TMEFF2: variants seen among roughly 807,000 people sequenced by gnomAD.
TMEFF2 encodes tomoregulin-2.
TMEFF2 carries 28 observed loss-of-function variants against 53.8 expected under a neutral mutation model. The observed-to-expected ratio is 0.52, with a 90% CI of 0.39 to 0.71. The LOEUF (loss-of-function observed/expected upper bound fraction) is 0.71. Among genes scored for constraint, TMEFF2 ranks in the 30% least tolerant of loss-of-function variants. TMEFF2 has a pLI of 0.00. For synonymous variants in TMEFF2, 162 were observed against 166.3 expected (o/e 0.97, Z 0.20); for missense variants, 353 against 455.2 (o/e 0.78, Z 2.04).
intron 7 of TMEFF2, among the ~76,000 whole-genome samples, chr2:191,964,436 CT>C (rs1692412154): frequency 7.8e-6 from 1 of 127,602 alleles, no homozygotes; most frequent in African/African-American, 2.9e-5. Context: ...TTCTTTCTTT[CT>C]GCCTTTTAAC....
intron 1 of TMEFF2, 78 bp from the exon 2 acceptor site, chr2:192,192,067 T>C: frequency 1.0e-6 from 1 of 978,068 alleles, no homozygotes; most frequent in Non-Finnish European, 1.6e-6. Flanking sequence ...CTTTGAAGCT[T>C]TAAAATACTT....
intron 4 of TMEFF2, among the ~76,000 whole-genome samples, chr2:192,085,328 T>A (rs988282398): frequency 1.7e-4 from 26 of 152,136 alleles, no homozygotes; most frequent in African/African-American, 6.3e-4. Flanking sequence ...TGAGATGGAA[T>A]GCTGGGGAGA....
intron 4 of TMEFF2, among the ~76,000 whole-genome samples, chr2:192,136,842 G>T (rs1238129422): frequency 6.6e-6 from 1 of 152,094 alleles, no homozygotes; most frequent in Non-Finnish European, 1.5e-5. Context: ...TTTATCAAAA[G>T]AACGTTATAC....
intron 4 of TMEFF2, among the ~76,000 whole-genome samples, chr2:192,113,774 G>C (rs1689337383): frequency 6.6e-6 from 1 of 152,072 alleles, no homozygotes. Context: ...AGTAATAGTA[G>C]CTAACAGTTG....
chr2:192,145,129 A>G (rs1690218516), intron 4 of TMEFF2, among the ~76,000 whole-genome samples: 1 of 151,998 alleles, frequency 6.6e-6, no homozygotes. Flanking sequence ...CACAAGGAAC[A>G]CTAAATTATA....
chr2:191,964,932 C>G (rs1692427318), intron 7 of TMEFF2, among the ~76,000 whole-genome samples: 1 of 152,100 alleles, frequency 6.6e-6, no homozygotes, highest in African/African-American at 2.4e-5. Flanking sequence ...CCACCCAGTT[C>G]TTGTTCTTTT....
At chr2:192,130,728 A>G (rs530117825) in intron 4 of TMEFF2, among the ~76,000 whole-genome samples, 10 of 151,830 alleles carry the variant, frequency 6.6e-5, no homozygotes, top group African/African-American at 9.7e-5. Context: ...CTCTCTTTTC[A>G]GACTCAGCCC....
chr2:192,141,520 C>T (rs1690139717), intron 4 of TMEFF2, among the ~76,000 whole-genome samples: 1 of 148,606 alleles, frequency 6.7e-6, no homozygotes, highest in Non-Finnish European at 1.5e-5. Context: ...CTCAAACATG[C>T]ATTTGACTTT....
chr2:191,990,708 C>A (rs992935868), intron 7 of TMEFF2, among the ~76,000 whole-genome samples: 2 of 148,238 alleles, frequency 1.3e-5, no homozygotes, highest in African/African-American at 5.0e-5. Context: ...CTAAATAGAC[C>A]TGTCTTTTCT....
At chr2:191,998,439 G>A (rs1686276707) in intron 6 of TMEFF2, 118 bp from the exon 7 acceptor site, 1 of 650,466 alleles carries the variant, frequency 1.5e-6, no homozygotes, top group Non-Finnish European at 2.5e-6. Context: ...TACAACTGTA[G>A]TTCTAAGCAA....
intron 5 of TMEFF2, chr2:192,034,595 A>G (rs768482883): frequency 6.6e-6 from 1 of 152,146 alleles, no homozygotes; most frequent in African/African-American, 2.4e-5. Flanking sequence ...TCTTGTCAGA[A>G]CCCAATCAAG....
At chr2:192,041,197 C>T (rs1470525824) in intron 5 of TMEFF2, among the ~76,000 whole-genome samples, 1 of 152,104 alleles carries the variant, frequency 6.6e-6, no homozygotes, top group Non-Finnish European at 1.5e-5. Flanking sequence ...GAGAAACTAC[C>T]TGCAAACCAT....
intron 3 of TMEFF2, among the ~76,000 whole-genome samples, chr2:192,181,509 A>G (rs957560695): frequency 2.6e-5 from 4 of 151,804 alleles, no homozygotes; most frequent in African/African-American, 9.7e-5. Flanking sequence ...TGCATGACAG[A>G]GAAATGTTAT....
chr2:192,189,555 C>CAAAAAAAAAAAAAAAAA (rs58455898), intron 2 of TMEFF2, among the ~76,000 whole-genome samples: 3,625 of 40,298 alleles, frequency 0.09, 211 homozygotes, highest in Non-Finnish European at 0.098. Context: ...CCAAAAATTC[C>CAAAAAAAAAAAAAAAAA]AAAAAAAAAA....
chr2:192,114,581 C>T (rs572809019), intron 4 of TMEFF2, among the ~76,000 whole-genome samples: 2 of 151,630 alleles, frequency 1.3e-5, no homozygotes, highest in Non-Finnish European at 2.9e-5. Context: ...AACTAATGAG[C>T]AAATTCACTA....
intron 4 of TMEFF2, among the ~76,000 whole-genome samples, chr2:192,147,727 T>C (rs1386936141): frequency 6.6e-6 from 1 of 152,068 alleles, no homozygotes; most frequent in Non-Finnish European, 1.5e-5. Flanking sequence ...CCCAAACATT[T>C]GACTGGGGCT....
chr2:192,174,504 C>T (rs948892354), intron 4 of TMEFF2, among the ~76,000 whole-genome samples: 2 of 151,542 alleles, frequency 1.3e-5, no homozygotes. Context: ...TACTCCATTG[C>T]TATACTGTTC....
chr2:192,135,365 C>A (rs1201601188), intron 4 of TMEFF2, among the ~76,000 whole-genome samples: 1 of 142,138 alleles, frequency 7.0e-6, no homozygotes, highest in Non-Finnish European at 1.6e-5. Flanking sequence ...AATTCTTAGA[C>A]CTTTTATACC....
intron 4 of TMEFF2, among the ~76,000 whole-genome samples, chr2:192,115,427 A>C: frequency 6.6e-6 from 1 of 151,982 alleles, no homozygotes; most frequent in East Asian, 1.9e-4. Context: ...GCATCTTGGC[A>C]ATTATTTTTT....
Sources: gnomAD v4.1 joint callset for allele counts (sites outside exome capture counted in the v4.1 genomes callset) on GRCh38, gnomAD v4.1.1 for gene constraint, MANE v1.5 for transcripts, NCBI Gene and HGNC (gene_info 2026-07-23, HGNC 2026-07-21) for gene names.